The following PBX1 variants were observed in gnomAD, a reference collection of about 807,000 sequenced individuals.
PBX1 encodes PBX homeobox 1.
In PBX1, 6 loss-of-function variants were observed where a neutral mutation model predicts 53.4. That is an observed-to-expected ratio of 0.11 (90% confidence interval 0.06 to 0.22). The LOEUF (loss-of-function observed/expected upper bound fraction) is 0.22, where lower values mean the gene tolerates loss of function less well. PBX1 is among the 10% of genes least tolerant of loss of function. PBX1 has a pLI of 1.00. For missense variants in PBX1, 251 were observed against 551.4 expected (o/e 0.46, Z 5.46); for synonymous variants, 204 against 212.3 (o/e 0.96, Z 0.34).
chr1:164,618,290 A>G (rs900637874), intron 2 of PBX1, among the ~76,000 whole-genome samples: 4 of 27,238 alleles, frequency 1.5e-4, no homozygotes, highest in Non-Finnish European at 3.3e-4. Flanking sequence ...AGGGAGAATA[A>G]TCACGGCGGG....
intron 2 of PBX1, among the ~76,000 whole-genome samples, chr1:164,751,878 G>A (rs1006300183): frequency 9.2e-5 from 14 of 151,942 alleles, no homozygotes; most frequent in Non-Finnish European, 1.9e-4. Flanking sequence ...CACCACGCCC[G>A]GCCAGTTTAT....
intron 2 of PBX1, chr1:164,682,845 C>T (rs2102001217): frequency 6.6e-6 from 1 of 152,290 alleles, no homozygotes; most frequent in East Asian, 1.9e-4. Context: ...TCTTCCTTTG[C>T]TCCCCTCATA....
chr1:164,603,039 C>T (rs1260037984), intron 2 of PBX1, among the ~76,000 whole-genome samples: 1 of 151,964 alleles, frequency 6.6e-6, no homozygotes, highest in African/African-American at 2.4e-5. Flanking sequence ...GCTATTTTTT[C>T]CCCTACCTTC....
chr1:164,626,017 C>G, intron 2 of PBX1: 1 of 1,042,262 alleles, frequency 9.6e-7, no homozygotes, highest in Non-Finnish European at 1.2e-6. Context: ...GAGTACTCTC[C>G]TCTGCTTCTA....
intron 2 of PBX1, among the ~76,000 whole-genome samples, chr1:164,569,509 G>A (rs1203297439): frequency 6.7e-6 from 1 of 149,932 alleles, no homozygotes; most frequent in Non-Finnish European, 1.5e-5. Context: ...CTGATTTTAT[G>A]CTGAAAAGAG....
chr1:164,695,849 A>G (rs1407324233), intron 2 of PBX1, among the ~76,000 whole-genome samples: 2 of 152,240 alleles, frequency 1.3e-5, no homozygotes, highest in South Asian at 2.1e-4. Context: ...TAGCTCGTCT[A>G]TAATGATTCT....
Position 164,559,213 on chromosome 1 carries a change from T to C in PBX1, c.-610T>C. On this transcript the variant is annotated 5_prime_UTR_variant, in exon 1 of 9. Coordinates refer to ENST00000420696, the MANE Select transcript of PBX1 (RefSeq NM_002585.4). Reference sequence around the variant, plus strand: ...AAAAGCAGGAGGCTGACGGGGCTGCTGGAGTTTGCAGAGACACGGAGGAGG... The same window carrying C: ...AAAAGCAGGAGGCTGACGGGGCTGCCGGAGTTTGCAGAGACACGGAGGAGG... 5.5e-6 allele frequency: 1 copy of C among 180,988 alleles called. No homozygotes were observed. Among genetic ancestry groups the C allele is most frequent in the Non-Finnish European group, 1.2e-5 (1 of 85,078 alleles). 11.2% of individuals were successfully genotyped at this position (180,988 alleles called of 1,614,324 possible). A position where few individuals can be genotyped will look rare whatever the true frequency, so the allele number is the denominator to read the frequency against.
At chr1:164,639,690 T>C (rs1202447877) in intron 2 of PBX1, 1 of 152,118 alleles carries the variant, frequency 6.6e-6, no homozygotes, top group Admixed American at 6.5e-5. Context: ...TAAAACAGGG[T>C]CTTGCTCTGT....
At chr1:164,815,710 A>T (rs1212958259) in intron 6 of PBX1, 1 of 152,132 alleles carries the variant, frequency 6.6e-6, no homozygotes, top group Non-Finnish European at 1.5e-5. Context: ...CATCAGATAG[A>T]TCTTGTGAGA....
chr1:164,848,879 A>T lies in PBX1; in HGVS notation c.*2203A>T. The T allele has an allele frequency of 9.4e-7, 1 of 1,066,388 alleles. No homozygotes were observed. Among genetic ancestry groups the T allele is most frequent in the Non-Finnish European group, 1.1e-6 (1 of 880,064 alleles). The allele number at this position is 1,066,388 out of a possible 1,614,324, so 66.1% of individuals were successfully genotyped here. A position where few individuals can be genotyped will look rare whatever the true frequency, so the allele number is the denominator to read the frequency against. ...GATGCCACTGAAGAAACTCAAGGGA[A>T]TGTGTATTTGAAGGAAATGCAAAAA... is the stretch of plus-strand genomic sequence containing the variant. On this transcript the variant is annotated 3_prime_UTR_variant, in exon 9 of 9. Transcript: ENST00000420696.
chr1:164,840,346 T>C (rs1195605334), intron 8 of PBX1, among the ~76,000 whole-genome samples: 1 of 137,984 alleles, frequency 7.2e-6, no homozygotes, highest in Non-Finnish European at 1.6e-5. Context: ...GATATACTTA[T>C]AAAATTACAG....
At chr1:164,828,266 G>T (rs986379417) in intron 8 of PBX1, among the ~76,000 whole-genome samples, 1 of 151,826 alleles carries the variant, frequency 6.6e-6, no homozygotes, top group Admixed American at 6.5e-5. Flanking sequence ...GTGTGTTTGT[G>T]TATGCGTGTG....
chr1:164,810,914 C>T (rs1183159697), intron 5 of PBX1, among the ~76,000 whole-genome samples: 6 of 151,852 alleles, frequency 4.0e-5, no homozygotes, highest in Admixed American at 2.0e-4. Context: ...ACTGTATAAG[C>T]CTTTCAGTGC....
Position 164,870,210 on chromosome 1 carries a change from T to TTCTTTTCCTTCCTTCCTTCC in PBX1, n.258-28977_258-28976insCTTTTCCTTCCTTCCTTCCT, listed in dbSNP as rs1180229062. ...CTATTGACTTTCTTTCTTTCTTTCT[T>TTCTTTTCCTTCCTTCCTTCC]TTCTTTCTTTCCTTCCTTCCTTCCT... On this transcript the variant is annotated intron_variant and non_coding_transcript_variant, in intron 2 of 2. Coordinates refer to the PBX1 transcript ENST00000558796. Among the ~76,000 whole-genome samples the TTCTTTTCCTTCCTTCCTTCC allele has an allele frequency of 7.4e-4, 48 of 64,464 alleles. 1 individual carries two copies. The highest frequency in any genetic ancestry group is 8.6e-4 in the Non-Finnish European group (22 of 25,494). The allele number at this position is 64,464 out of a possible 152,430, so 42.3% of individuals were successfully genotyped here.
At chr1:164,823,257 G>A (rs1357305139) in intron 8 of PBX1, among the ~76,000 whole-genome samples, 1 of 152,158 alleles carries the variant, frequency 6.6e-6, no homozygotes, top group African/African-American at 2.4e-5. Context: ...TGGGAAGACT[G>A]CTTGGAAAAA....
At chr1:164,739,309 G>A (rs546450798) in intron 2 of PBX1, among the ~76,000 whole-genome samples, 36 of 152,280 alleles carry the variant, frequency 2.4e-4, no homozygotes, top group African/African-American at 8.2e-4. Context: ...ATAATCATGC[G>A]ATAAAGCTCA....
intron 2 of PBX1, among the ~76,000 whole-genome samples, chr1:164,679,883 A>C (rs1661651988): frequency 6.6e-6 from 1 of 151,996 alleles, no homozygotes; most frequent in African/African-American, 2.4e-5. Context: ...GGCTCAGAAA[A>C]ATGAAGCTCA....
intron 2 of PBX1, among the ~76,000 whole-genome samples, chr1:164,658,285 C>G (rs113506035): frequency 6.6e-6 from 1 of 152,292 alleles, no homozygotes; most frequent in African/African-American, 2.4e-5. Flanking sequence ...TACCCCAACA[C>G]CAGTAAAGCA....
At position 164,824,013 on chromosome 1, in the gene PBX1, G is replaced by A. The variant is rs1050292571; in HGVS notation, c.1200+2387G>A. Among the ~76,000 whole-genome samples the A allele has an allele frequency of 1.5e-4, 23 of 151,960 alleles. 1 individual carries two copies. Among genetic ancestry groups the A allele is most frequent in the African/African-American group, 5.6e-4 (23 of 41,362 alleles). On this transcript the variant is annotated intron_variant, in intron 8 of 8. Transcript: ENST00000420696. ...CTGCCAGCAGGAGAGAGAGAGGAGG[G>A]GAGACAAGAAGAGACAAGGACAGGA...
Sources: gnomAD v4.1 joint callset for allele counts (sites outside exome capture counted in the v4.1 genomes callset) on GRCh38, gnomAD v4.1.1 for gene constraint, MANE v1.5 for transcripts, NCBI Gene and HGNC (gene_info 2026-07-23, HGNC 2026-07-21) for gene names.